PDE4D: variants seen among roughly 807,000 people sequenced by gnomAD.
PDE4D encodes 3',5'-cyclic-AMP phosphodiesterase 4D.
Under a neutral mutation model 87.4 loss-of-function variants are expected in PDE4D, and 24 were observed. The ratio of observed to expected loss-of-function variants is 0.27; its 90% CI spans 0.20 to 0.39. The LOEUF is 0.39. Among genes scored for constraint, PDE4D ranks in the 10% least tolerant of loss-of-function variants. PDE4D has a pLI of 1.00. For synonymous variants in PDE4D, 384 were observed against 383.2 expected (o/e 1.00, Z -0.02); for missense variants, 714 against 1,041.0 (o/e 0.69, Z 4.32).
intron 1 of PDE4D, among the ~76,000 whole-genome samples, chr5:59,632,943 TA>T (rs899797441): frequency 6.6e-6 from 1 of 152,096 alleles, no homozygotes; most frequent in Non-Finnish European, 1.5e-5. Context: ...TCCTCCAAGC[TA>T]AAAAAGTATG....
upstream of PDE4D, chr5:60,488,281 G>C (rs1441435328): frequency 6.6e-6 from 1 of 152,116 alleles, no homozygotes; most frequent in Admixed American, 6.5e-5. Flanking sequence ...TTGTCGGAGG[G>C]GAAAAGGACA....
intron 1 of PDE4D, among the ~76,000 whole-genome samples, chr5:59,812,267 C>T (rs1212721836): frequency 1.3e-5 from 2 of 152,166 alleles, no homozygotes; most frequent in African/African-American, 2.4e-5. Context: ...AGGAGATGCT[C>T]TTCAGGTGCC....
intron 1 of PDE4D, among the ~76,000 whole-genome samples, chr5:59,597,460 C>A (rs295977): frequency 0.036 from 5,546 of 151,968 alleles, 121 homozygotes; most frequent in East Asian, 0.092. Context: ...TTTTCTCGAA[C>A]CCCTTTTCAC....
intron 1 of PDE4D, among the ~76,000 whole-genome samples, chr5:60,466,349 C>T (rs550098332): frequency 6.6e-6 from 1 of 152,258 alleles, no homozygotes; most frequent in East Asian, 1.9e-4. Context: ...TTGAAAGATG[C>T]ATTCATTTAA....
rs375660234 is a variant in PDE4D at position 60,430,556 on chromosome 5, T to G, written c.-90+57386A>C. On this transcript the variant is annotated intron_variant, in intron 1 of 16. Coordinates refer to the PDE4D transcript ENST00000502484. ...TTTTGTTTTTTTTTGTTTGTTTTTT[T>G]TTTTTATTGATCATTCTTGGGTGTT... 6.1e-3 allele frequency among the ~76,000 whole-genome samples: 918 copies of G among 151,338 alleles called. 11 individuals carry two copies. Among genetic ancestry groups the G allele is most frequent in the Admixed American group, 0.019 (282 of 15,210 alleles).
intron 1 of PDE4D, among the ~76,000 whole-genome samples, chr5:59,817,742 A>ACCCC (rs567130519): frequency 4.1e-5 from 5 of 122,240 alleles, no homozygotes; most frequent in South Asian, 2.8e-4. Flanking sequence ...ACACACCCAC[A>ACCCC]CCCCCCCCCA....
chr5:59,710,155 G>A (rs896248915), intron 1 of PDE4D, among the ~76,000 whole-genome samples: 3 of 152,112 alleles, frequency 2.0e-5, no homozygotes, highest in Non-Finnish European at 2.9e-5. Context: ...CAGGGAAGTC[G>A]GAAGAATTCA....
rs558197145 is a variant in PDE4D, at chr5:60,257,861, G to A, written c.-89-72174C>T. On this transcript the variant is annotated intron_variant, in intron 1 of 16. Transcript: ENST00000502484. ...GGTTGATTCTCATTATTCTTAAGGA[G>A]TCACAGACAAGCTGTTATCAATTTG... 6.6e-5 allele frequency among the ~76,000 whole-genome samples: 10 copies of A among 152,046 alleles called. No homozygotes were observed. The East Asian group carries it at 1.6e-3, about 24-fold the overall frequency.
At chr5:59,441,804 C>T (rs1317039112) in intron 1 of PDE4D, among the ~76,000 whole-genome samples, 1 of 152,184 alleles carries the variant, frequency 6.6e-6, no homozygotes, top group Non-Finnish European at 1.5e-5. Flanking sequence ...GCTTAAATAA[C>T]TATTGACTCT....
At chr5:59,227,116 A>G (rs1393850616) in intron 1 of PDE4D, among the ~76,000 whole-genome samples, 5 of 152,192 alleles carry the variant, frequency 3.3e-5, no homozygotes, top group African/African-American at 1.2e-4. Context: ...GGTTACTACC[A>G]ATCTTTCACT....
chr5:60,453,915 GA>G (rs1456663479), intron 1 of PDE4D, among the ~76,000 whole-genome samples: 5 of 152,120 alleles, frequency 3.3e-5, no homozygotes, highest in African/African-American at 1.2e-4. Context: ...TGGCACCATA[GA>G]AGCAGACATA....
At chr5:60,025,654 T>C (rs1339207628) in intron 2 of PDE4D, among the ~76,000 whole-genome samples, 1 of 152,146 alleles carries the variant, frequency 6.6e-6, no homozygotes, top group East Asian at 1.9e-4. Context: ...ACTAGATGTA[T>C]TCTTCCTGAA....
At chr5:59,857,651 T>G (rs1745640976) in intron 1 of PDE4D, among the ~76,000 whole-genome samples, 1 of 152,042 alleles carries the variant, frequency 6.6e-6, no homozygotes, top group South Asian at 2.1e-4. Context: ...AAGATGAAAC[T>G]GGAAGACATT....
chr5:60,381,358 C>A (rs553798871), intron 1 of PDE4D, among the ~76,000 whole-genome samples: 44 of 152,182 alleles, frequency 2.9e-4, no homozygotes, highest in Non-Finnish European at 5.0e-4. Flanking sequence ...TGGAAAAAAA[C>A]TTTTAGAAGC....
chr5:59,058,428 A>T lies in PDE4D; in HGVS notation c.809-19457T>A, dbSNP rs1390005718. 3.4e-4 allele frequency among the ~76,000 whole-genome samples: 52 copies of T among 152,182 alleles called. 1 individual carries two copies. The highest frequency in any genetic ancestry group is 3.4e-3 in the Admixed American group (52 of 15,270). ...TAATGACTATCACATTGATTTGTTT[A>T]CATATCTATTGCCTTGTCTTCCTTA... On this transcript the variant is annotated intron_variant, in intron 5 of 14. Coordinates refer to ENST00000340635, the MANE Select transcript of PDE4D (RefSeq NM_001104631.2).
At chr5:59,155,372 C>T (rs1220452126) in intron 5 of PDE4D, among the ~76,000 whole-genome samples, 1 of 152,096 alleles carries the variant, frequency 6.6e-6, no homozygotes, top group Non-Finnish European at 1.5e-5. Flanking sequence ...AATATTTACT[C>T]AGTAAATGAA....
chr5:59,794,135 GCGCACACA>G (rs1275367868), intron 1 of PDE4D, among the ~76,000 whole-genome samples: 3 of 89,286 alleles, frequency 3.4e-5, no homozygotes, highest in African/African-American at 1.4e-4. Flanking sequence ...ACACACAGAG[GCGCACACA>G]CACACACACA....
At chr5:60,028,522 A>C (rs12054971) in intron 2 of PDE4D, among the ~76,000 whole-genome samples, 43,692 of 151,944 alleles carry the variant, frequency 0.29, 7,152 homozygotes, top group East Asian at 0.74. Flanking sequence ...CATATCCACC[A>C]ATAAATCATG....
At chr5:59,629,114 C>A (rs141834474) in intron 1 of PDE4D, among the ~76,000 whole-genome samples, 2 of 152,206 alleles carry the variant, frequency 1.3e-5, no homozygotes, top group Non-Finnish European at 2.9e-5. Flanking sequence ...ACTACACGTG[C>A]GGATTATGGG....
Sources: gnomAD v4.1 joint callset for allele counts (sites outside exome capture counted in the v4.1 genomes callset) on GRCh38, gnomAD v4.1.1 for gene constraint, MANE v1.5 for transcripts, NCBI Gene and HGNC (gene_info 2026-07-23, HGNC 2026-07-21) for gene names.